Variants in VWC2L observed in about 807,000 individuals in gnomAD.
The protein encoded by VWC2L is von Willebrand factor C domain-containing protein 2-like.
In VWC2L, 10 loss-of-function variants were observed where a neutral mutation model predicts 21.6. The observed-to-expected ratio is 0.46, with a 90% CI of 0.29 to 0.78. The LOEUF (loss-of-function observed/expected upper bound fraction) is 0.78. Ranked by LOEUF, VWC2L falls within the 30% of genes least tolerant of loss-of-function variation. The pLI, the probability that VWC2L is intolerant of heterozygous loss-of-function variation, is 0.10. For synonymous variants in VWC2L, 96 were observed against 94.3 expected, an observed-to-expected ratio of 1.02 and a Z score of -0.10; for missense variants, 209 against 277.1, an observed-to-expected ratio of 0.75 and a Z score of 1.74.
At chr2:214,557,765 G>A (rs544766120) in intron 3 of VWC2L, among the ~76,000 whole-genome samples, 1 of 152,144 alleles carries the variant, frequency 6.6e-6, no homozygotes, top group East Asian at 1.9e-4. Context: ...TATAGAAGAG[G>A]GCCCTCACGT....
intron 3 of VWC2L, among the ~76,000 whole-genome samples, chr2:214,451,850 AT>A (rs2126184969): frequency 6.6e-6 from 1 of 152,292 alleles, no homozygotes; most frequent in East Asian, 1.9e-4. Flanking sequence ...TTATTTAAAA[AT>A]TTTCATTTTT....
chr2:214,455,558 C>G (rs1201284727), intron 3 of VWC2L, among the ~76,000 whole-genome samples: 1 of 152,052 alleles, frequency 6.6e-6, no homozygotes, highest in East Asian at 1.9e-4. Context: ...ATTTTAAGAC[C>G]CCTCTTCCAG....
At chr2:214,496,357 T>C (rs1179634377) in intron 3 of VWC2L, among the ~76,000 whole-genome samples, 1 of 151,264 alleles carries the variant, frequency 6.6e-6, no homozygotes, top group East Asian at 1.9e-4. Context: ...ATGAAACATC[T>C]TCCTCTCCAT....
chr2:214,430,880 TAAAG>T (rs1574560748), intron 2 of VWC2L, among the ~76,000 whole-genome samples: 1 of 152,310 alleles, frequency 6.6e-6, no homozygotes, highest in East Asian at 1.9e-4. Context: ...TTAAAATTCT[TAAAG>T]AAGTTTCAGC....
chr2:214,493,769 G>C (rs1688775559), intron 3 of VWC2L, among the ~76,000 whole-genome samples: 1 of 152,168 alleles, frequency 6.6e-6, no homozygotes, highest in African/African-American at 2.4e-5. Flanking sequence ...AGTGTGTGGA[G>C]AGTCACCCAG....
At chr2:214,417,677 A>G in intron 2 of VWC2L, among the ~76,000 whole-genome samples, 1 of 152,206 alleles carries the variant, frequency 6.6e-6, no homozygotes, top group East Asian at 1.9e-4. Flanking sequence ...AAATTCAGAT[A>G]TGTGTCGGTG....
intron 3 of VWC2L, among the ~76,000 whole-genome samples, chr2:214,478,433 C>G (rs1375579271): frequency 1.3e-5 from 2 of 150,874 alleles, no homozygotes; most frequent in African/African-American, 4.9e-5. Flanking sequence ...GAGCGGAGAT[C>G]GCGCCACTGC....
At chr2:214,512,970 C>T (rs1689079962) in intron 3 of VWC2L, among the ~76,000 whole-genome samples, 2 of 152,164 alleles carry the variant, frequency 1.3e-5, no homozygotes, top group African/African-American at 4.8e-5. Context: ...TGGTGATTTT[C>T]TAGGTTGAAT....
At chr2:214,418,742 TTC>T (rs1168240859) in intron 2 of VWC2L, among the ~76,000 whole-genome samples, 1 of 152,194 alleles carries the variant, frequency 6.6e-6, no homozygotes, top group Non-Finnish European at 1.5e-5. Context: ...ATGATTTAGT[TTC>T]TGTTTATGTG....
At chr2:214,486,848 GAAACCAC>G (rs1274077654) in intron 3 of VWC2L, among the ~76,000 whole-genome samples, 1 of 152,160 alleles carries the variant, frequency 6.6e-6, no homozygotes, top group Non-Finnish European at 1.5e-5. Context: ...AGCTTCCAAG[GAAACCAC>G]AAACCAGACA....
intron 3 of VWC2L, among the ~76,000 whole-genome samples, chr2:214,530,442 CA>C (rs1559320627): frequency 6.6e-6 from 1 of 152,152 alleles, no homozygotes; most frequent in Admixed American, 6.5e-5. Context: ...TTACAATACA[CA>C]TTAGGTAATG....
At chr2:214,480,946 C>G (rs1310544109) in intron 3 of VWC2L, among the ~76,000 whole-genome samples, 1 of 144,216 alleles carries the variant, frequency 6.9e-6, no homozygotes, top group Non-Finnish European at 1.5e-5. Context: ...AACTAGTAAT[C>G]TCTGCTGCAA....
chr2:214,518,527 T>C (rs1238702277), intron 3 of VWC2L, among the ~76,000 whole-genome samples: 1 of 152,190 alleles, frequency 6.6e-6, no homozygotes, highest in Non-Finnish European at 1.5e-5. Context: ...TAAGTTCCCT[T>C]CTTCCAACCA....
intron 3 of VWC2L, among the ~76,000 whole-genome samples, chr2:214,571,166 T>C (rs894767063): frequency 2.0e-5 from 3 of 152,228 alleles, no homozygotes; most frequent in African/African-American, 4.8e-5. Context: ...ACTAGACTTC[T>C]AAATTCTGAT....
intron 3 of VWC2L, among the ~76,000 whole-genome samples, chr2:214,523,971 T>C (rs891335023): frequency 6.6e-6 from 1 of 152,230 alleles, no homozygotes; most frequent in Non-Finnish European, 1.5e-5. Flanking sequence ...TGACGTGTAA[T>C]GTGATTGATT....
chr2:214,529,011 G>A (rs547160483), intron 3 of VWC2L, among the ~76,000 whole-genome samples: 2 of 152,192 alleles, frequency 1.3e-5, no homozygotes, highest in Admixed American at 1.3e-4. Flanking sequence ...AATGTTAGCA[G>A]GTATACATAA....
chr2:214,524,231 A>G (rs1243818638), intron 3 of VWC2L, among the ~76,000 whole-genome samples: 2 of 152,188 alleles, frequency 1.3e-5, no homozygotes, highest in South Asian at 2.1e-4. Flanking sequence ...TGTCTTGCCA[A>G]CCTCTCAGTT....
intron 3 of VWC2L, among the ~76,000 whole-genome samples, chr2:214,486,037 TC>T (rs972736514): frequency 3.3e-4 from 50 of 151,556 alleles, no homozygotes; most frequent in African/African-American, 1.2e-3. Flanking sequence ...TCTTTTTTCT[TC>T]CTGTGTCATG....
intron 3 of VWC2L, among the ~76,000 whole-genome samples, chr2:214,437,022 G>A (rs531657983): frequency 5.1e-4 from 78 of 152,226 alleles, no homozygotes; most frequent in African/African-American, 1.6e-3. Context: ...TTTAAAAGGA[G>A]TATATTGGAA....
Sources: gnomAD v4.1 joint callset for allele counts (sites outside exome capture counted in the v4.1 genomes callset) on GRCh38, gnomAD v4.1.1 for gene constraint, MANE v1.5 for transcripts, NCBI Gene and HGNC (gene_info 2026-07-23, HGNC 2026-07-21) for gene names.